SYT1: variants seen among roughly 807,000 people sequenced by gnomAD.
The protein encoded by SYT1 is synaptotagmin 1.
Under a neutral mutation model 44.8 loss-of-function variants are expected in SYT1, and 8 were observed. The ratio of observed to expected loss-of-function variants is 0.18; its 90% CI spans 0.10 to 0.32. The LOEUF is 0.32. Ranked by LOEUF, SYT1 falls within the 10% of genes least tolerant of loss-of-function variation. The probability of loss-of-function intolerance (pLI) is 1.00; values close to 1 mark genes in which losing one functional copy is unlikely to be tolerated. For missense variants in SYT1, 286 were observed against 509.3 expected (o/e 0.56, Z 4.22); for synonymous variants, 154 against 188.8 (o/e 0.82, Z 1.51).
At chr12:79,240,295 A>C (rs150409347) in intron 4 of SYT1, among the ~76,000 whole-genome samples, 2,471 of 152,310 alleles carry the variant, frequency 0.016, 50 homozygotes, top group African/African-American at 0.045. Flanking sequence ...TCTATTTTTT[A>C]CAAAATTTAA....
At chr12:79,394,272 G>A (rs1257140911) in intron 9 of SYT1, among the ~76,000 whole-genome samples, 1 of 152,162 alleles carries the variant, frequency 6.6e-6, no homozygotes, top group Non-Finnish European at 1.5e-5. Context: ...TGGACCAGCA[G>A]ATATGAAAAT....
At chr12:79,106,934 A>G (rs758041012) in intron 3 of SYT1, among the ~76,000 whole-genome samples, 1 of 152,048 alleles carries the variant, frequency 6.6e-6, no homozygotes, top group Non-Finnish European at 1.5e-5. Context: ...ACATTGTTCT[A>G]TTTTATTTGT....
chr12:79,156,471 C>G (rs924519851), intron 3 of SYT1, among the ~76,000 whole-genome samples: 19 of 147,752 alleles, frequency 1.3e-4, no homozygotes, highest in Non-Finnish European at 2.2e-4. Flanking sequence ...TGTTGTTGTT[C>G]TTGTTGTTGT....
At chr12:79,068,300 ATAAT>A (rs1464094551) in intron 3 of SYT1, among the ~76,000 whole-genome samples, 3 of 152,180 alleles carry the variant, frequency 2.0e-5, no homozygotes, top group Non-Finnish European at 2.9e-5. Flanking sequence ...GCTGTCTAAA[ATAAT>A]TAATTAGGTC....
intron 9 of SYT1, among the ~76,000 whole-genome samples, chr12:79,411,008 G>A (rs939404245): frequency 5.9e-5 from 9 of 152,114 alleles, no homozygotes; most frequent in African/African-American, 2.2e-4. Flanking sequence ...AACACAATTA[G>A]TCAGTATATT....
chr12:79,194,727 T>G (rs1482048685), intron 3 of SYT1, among the ~76,000 whole-genome samples: 1 of 152,192 alleles, frequency 6.6e-6, no homozygotes, highest in African/African-American at 2.4e-5. Flanking sequence ...TATGTGTGTG[T>G]GTGTTTAAAT....
chr12:78,947,395 G>T (rs1004712633), intron 1 of SYT1, among the ~76,000 whole-genome samples: 2 of 148,026 alleles, frequency 1.4e-5, no homozygotes, highest in African/African-American at 2.5e-5. Context: ...GAAACCCAGT[G>T]GCTACTGAAC....
chr12:79,352,416 G>T (rs763564105), intron 8 of SYT1, among the ~76,000 whole-genome samples: 6 of 152,050 alleles, frequency 3.9e-5, no homozygotes, highest in Admixed American at 3.9e-4. Context: ...TGACATAACT[G>T]TTGCCTTCTG....
chr12:79,026,622 A>G (rs1179068778), intron 2 of SYT1, among the ~76,000 whole-genome samples: 1 of 145,630 alleles, frequency 6.9e-6, no homozygotes, highest in Non-Finnish European at 1.5e-5. Flanking sequence ...TGTTCCTTTT[A>G]TACACATATA....
In SYT1 at chr12:78,974,875, G is replaced by T. The variant is rs182554006; in HGVS notation, c.-216-2924G>T. On this transcript the variant is annotated intron_variant, in intron 1 of 10. Transcript: ENST00000261205. ...ATCCATTCTTCAAAGAGCAACTAAA[G>T]AAATTAGATCGTCCAGAGGCTTCTC... is the stretch of plus-strand genomic sequence containing the variant. 3.7e-3 allele frequency among the ~76,000 whole-genome samples: 565 copies of T among 152,080 alleles called. 7 individuals are homozygous for T. Among genetic ancestry groups the T allele is most frequent in the African/African-American group, 0.013 (554 of 41,472 alleles).
chr12:78,936,743 A>T (rs551209649), intron 1 of SYT1, among the ~76,000 whole-genome samples: 18 of 152,328 alleles, frequency 1.2e-4, no homozygotes, highest in Admixed American at 7.8e-4. Context: ...GCCAGAATTC[A>T]GTCTGAGCTC....
At chr12:79,415,456 A>T (rs1437230391) in intron 9 of SYT1, among the ~76,000 whole-genome samples, 3 of 152,190 alleles carry the variant, frequency 2.0e-5, no homozygotes, top group Non-Finnish European at 4.4e-5. Context: ...TCAATTGTTC[A>T]TATCAAAGAA....
intron 1 of SYT1, among the ~76,000 whole-genome samples, chr12:78,916,322 A>G (rs1334693257): frequency 6.6e-6 from 1 of 152,118 alleles, no homozygotes; most frequent in Non-Finnish European, 1.5e-5. Flanking sequence ...ATGGCATAAA[A>G]CAAAATTCTC....
chr12:78,882,377 T>C (rs1484979390), intron 1 of SYT1, among the ~76,000 whole-genome samples: 2 of 151,756 alleles, frequency 1.3e-5, no homozygotes, highest in African/African-American at 4.8e-5. Flanking sequence ...GGATCCAATC[T>C]GAATACAAAT....
chr12:79,031,064 A>G (rs998673631), intron 2 of SYT1, among the ~76,000 whole-genome samples: 1 of 151,124 alleles, frequency 6.6e-6, no homozygotes, highest in Admixed American at 6.6e-5. Context: ...AAGTTTAAAT[A>G]GAGAATAAAC....
chr12:78,956,136 G>A (rs1698909434), intron 1 of SYT1, among the ~76,000 whole-genome samples: 1 of 151,964 alleles, frequency 6.6e-6, no homozygotes, highest in African/African-American at 2.4e-5. Context: ...GTAGTAATTT[G>A]GGAGAGAGTA....
intron 1 of SYT1, among the ~76,000 whole-genome samples, chr12:78,945,517 A>G (rs1878607941): frequency 6.6e-6 from 1 of 151,366 alleles, no homozygotes; most frequent in South Asian, 2.1e-4. Context: ...TCTTTATAAA[A>G]TTACACAATT....
intron 3 of SYT1, among the ~76,000 whole-genome samples, chr12:79,129,132 T>C (rs1478026418): frequency 6.6e-6 from 1 of 152,206 alleles, no homozygotes; most frequent in Non-Finnish European, 1.5e-5. Context: ...TGGTGAAAAT[T>C]TTTAAAAATG....
chr12:79,299,593 C>T (rs373212812), intron 8 of SYT1, 42 bp downstream of exon 8: 9 of 1,595,710 alleles, frequency 5.6e-6, no homozygotes, highest in Non-Finnish European at 7.7e-6. Flanking sequence ...AAGCTGTACT[C>T]GCCAGTTGCT....
Sources: gnomAD v4.1 joint callset for allele counts (sites outside exome capture counted in the v4.1 genomes callset) on GRCh38, gnomAD v4.1.1 for gene constraint, MANE v1.5 for transcripts, NCBI Gene and HGNC (gene_info 2026-07-23, HGNC 2026-07-21) for gene names.